Variants in CASC3 observed in about 807,000 individuals in gnomAD.
The protein encoded by CASC3 is protein CASC3.
In CASC3, 30 loss-of-function variants were observed where a neutral mutation model predicts 80.5. The ratio of observed to expected loss-of-function variants is 0.37; its 90% CI spans 0.28 to 0.51. The LOEUF (loss-of-function observed/expected upper bound fraction) is 0.51, where lower values mean the gene tolerates loss of function less well. CASC3 is among the 20% of genes least tolerant of loss of function. The pLI is 0.94. For synonymous variants in CASC3, 312 were observed against 333.6 expected, an observed-to-expected ratio of 0.94 and a Z score of 0.70; for missense variants, 824 against 922.2, an observed-to-expected ratio of 0.89 and a Z score of 1.38.
At chr17:40,146,449 T>TC (rs1988864065) in intron 3 of CASC3, among the ~76,000 whole-genome samples, 1 of 148,534 alleles carries the variant, frequency 6.7e-6, no homozygotes, top group Non-Finnish European at 1.5e-5. Context: ...TTTTTTTTTT[T>TC]CTTTTTTTAA....
At position 40,171,252 on chromosome 17, in the gene CASC3, A is replaced by C; in HGVS notation, c.*847A>C. On this transcript the variant is annotated 3_prime_UTR_variant, in exon 14 of 14. Coordinates refer to ENST00000264645, the MANE Select transcript of CASC3 (RefSeq NM_007359.5). ...CTACTGTGGGGAGAGATGGCACACC[A>C]GATGCTTTTGTGAGAAAGGGATGGT... 2 of 985,972 alleles carry C rather than the reference A, an allele frequency of 2.0e-6. No individual in the cohort carries two copies. The highest frequency in any genetic ancestry group is 1.2e-6 in the Non-Finnish European group (1 of 829,974). The allele number at this position is 985,972 out of a possible 1,614,324, so 61.1% of individuals were successfully genotyped here. A position where few individuals can be genotyped will look rare whatever the true frequency, so the allele number is the denominator to read the frequency against.
chr17:40,141,137 C>G, intron 1 of CASC3, 70 bp from the exon 2 acceptor site: 2 of 1,399,242 alleles, frequency 1.4e-6, no homozygotes, highest in Non-Finnish European at 2.0e-6. Context: ...GCTTTTCACC[C>G]ACATTTCTTT....
In CASC3 at chr17:40,163,484, T is replaced by C. The variant is rs143228292; in HGVS notation, c.789T>C (p.Tyr263=). 1.5e-4 allele frequency: 236 copies of C among 1,609,112 alleles called. No individual in the cohort carries two copies. The Middle Eastern group carries it at 1.6e-3, about 11-fold the overall frequency. ...IKPRRIRKPR[Y]GSPPQRDPNW... is the part of the protein sequence containing the mutation. ...TTCTTCATTCCATTTTTTGTAGATA[T>C]GGGAGTCCTCCACAAAGAGATCCAA... The change falls in exon 7 of 14, where the codon TAT becomes TAC. Residue 263 remains tyrosine, a synonymous_variant. Transcript: ENST00000264645.
At chr17:40,161,099 C>T (rs1384921823) in intron 3 of CASC3, among the ~76,000 whole-genome samples, 1 of 151,962 alleles carries the variant, frequency 6.6e-6, no homozygotes, top group Admixed American at 6.6e-5. Context: ...CCTGCCTCAG[C>T]CTCCCGAGCA....
chr17:40,165,771 T>G lies in CASC3; in HGVS notation c.1472-1026T>G, dbSNP rs370576647. 8.5e-4 allele frequency among the ~76,000 whole-genome samples: 129 copies of G among 150,942 alleles called. 1 individual carries two copies. The East Asian group carries it at 0.023, about 27-fold the overall frequency. On this transcript the variant is annotated intron_variant, in intron 7 of 13. Coordinates refer to ENST00000264645, the MANE Select transcript of CASC3 (RefSeq NM_007359.5). Reference sequence around the variant, plus strand: ...ATATAGTTTTTTTTTTTGTTTTTTTTTTTTTTTAGATGGGTCCCACTTTGT... The same window carrying G: ...ATATAGTTTTTTTTTTTGTTTTTTTGTTTTTTTAGATGGGTCCCACTTTGT...
chr17:40,155,874 C>T (rs143023497), intron 3 of CASC3, among the ~76,000 whole-genome samples: 1 of 152,112 alleles, frequency 6.6e-6, no homozygotes, highest in Non-Finnish European at 1.5e-5. Context: ...TGTGGTAGCA[C>T]CTTGGCTTCA....
intron 3 of CASC3, among the ~76,000 whole-genome samples, chr17:40,155,474 G>A (rs141953895): frequency 6.6e-6 from 1 of 152,276 alleles, no homozygotes; most frequent in African/African-American, 2.4e-5. Flanking sequence ...ATAAAGCATA[G>A]CAGTTCTAGG....
intron 3 of CASC3, 144 bp downstream of exon 3, chr17:40,141,751 A>G (rs1434373648): frequency 3.9e-6 from 3 of 763,684 alleles, no homozygotes; most frequent in African/African-American, 3.5e-5. Context: ...AGTGTTACAG[A>G]AGGTCTTGTT....
At chr17:40,144,345 C>T (rs1988797427) in intron 3 of CASC3, among the ~76,000 whole-genome samples, 1 of 142,762 alleles carries the variant, frequency 7.0e-6, no homozygotes, top group Admixed American at 7.0e-5. Flanking sequence ...CTTTCTTTTT[C>T]TTTTTTTTTT....
rs1296051258 is a variant in CASC3, at chr17:40,143,181, C to T, written c.297+1574C>T. 2.6e-5 allele frequency among the ~76,000 whole-genome samples: 4 copies of T among 152,140 alleles called. No homozygotes were observed. In the South Asian group the frequency reaches 8.3e-4, roughly 31 times the overall value. On this transcript the variant is annotated intron_variant, in intron 3 of 13. Transcript: ENST00000264645. ...AAGATCTAAACCCAGCGCGATGGCTCACACCTGTAATCCCAGCACTGTGGG... is the reference window on the plus strand; with the variant it reads ...AAGATCTAAACCCAGCGCGATGGCTTACACCTGTAATCCCAGCACTGTGGG...
chr17:40,163,067 G>GA (rs1192497993), intron 6 of CASC3, among the ~76,000 whole-genome samples, 166 bp downstream of exon 6: 2 of 146,990 alleles, frequency 1.4e-5, no homozygotes, highest in African/African-American at 2.5e-5. Context: ...AAAAAAAAAA[G>GA]AAAAAAAGGA....
At chr17:40,151,246 C>G (rs1293944832) in intron 3 of CASC3, among the ~76,000 whole-genome samples, 6 of 152,086 alleles carry the variant, frequency 3.9e-5, no homozygotes, top group South Asian at 4.1e-4. Flanking sequence ...GAGTCTTGCT[C>G]TGTCACCCAG....
intron 2 of CASC3, 163 bp downstream of exon 2, chr17:40,141,397 C>A: frequency 7.2e-6 from 6 of 838,944 alleles, no homozygotes; most frequent in Non-Finnish European, 1.2e-5. Context: ...GCAGTATAGT[C>A]TTCAGCAAGT....
At chr17:40,159,711 A>ATTTTTT (rs71152647) in intron 3 of CASC3, among the ~76,000 whole-genome samples, 9 of 93,166 alleles carry the variant, frequency 9.7e-5, no homozygotes, top group East Asian at 5.4e-4. Flanking sequence ...TTCCTGGCGA[A>ATTTTTT]TTTTTTTTTT....
At chr17:40,141,001 G>A in intron 1 of CASC3, 3 of 633,934 alleles carry the variant, frequency 4.7e-6, no homozygotes, top group Non-Finnish European at 8.2e-6. Flanking sequence ...CGCTGGAGAT[G>A]GAAAGCGGAT....
chr17:40,155,382 G>A (rs988233614), intron 3 of CASC3, among the ~76,000 whole-genome samples: 3 of 151,632 alleles, frequency 2.0e-5, no homozygotes, highest in African/African-American at 2.4e-5. Flanking sequence ...TCAGCCTCCC[G>A]GGTGGCTAGG....
rs774912501 is a variant in CASC3, at chr17:40,163,561, G to A, written c.866G>A (p.Gly289Asp). 2.5e-6 allele frequency: 4 copies of A among 1,613,998 alleles called. No individual in the cohort carries two copies. In the African/African-American group the frequency reaches 4.0e-5, roughly 16 times the overall value. The change falls in exon 7 of 14, where the codon GGC becomes GAC. Residue 289 changes from glycine (G) to aspartate (D), a missense_variant. By Grantham distance (94) the Gly-to-Asp change is moderately conservative. Around this residue, in one of 3 missense-constraint regions of CASC3, gnomAD observed 201 missense variants for 294.1 expected, o/e 0.68. Transcript: ENST00000264645. The part of the protein sequence containing the change: ...NKSHRHQGLG[G>D]TLPPRTFINR... ...TCTCATCGCCACCAGGGTCTTGGGGGCACCCTACCACCAAGGACATTTATT... is the reference window on the plus strand; with the variant it reads ...TCTCATCGCCACCAGGGTCTTGGGGACACCCTACCACCAAGGACATTTATT...
chr17:40,170,334 G>A (rs1437140977), intron 13 of CASC3, 113 bp from the exon 14 acceptor site: 13 of 680,982 alleles, frequency 1.9e-5, no homozygotes, highest in Non-Finnish European at 2.4e-5. Flanking sequence ...TTTGTTTAAG[G>A]ACATTACTTA....
intron 3 of CASC3, among the ~76,000 whole-genome samples, chr17:40,154,613 T>C (rs1328032927): frequency 6.6e-6 from 1 of 151,972 alleles, no homozygotes; most frequent in Admixed American, 6.6e-5. Context: ...CAGATATGAT[T>C]TGCAAATATG....
Sources: allele counts gnomAD v4.1 joint callset (sites outside exome capture counted in the v4.1 genomes callset), GRCh38; gene constraint gnomAD v4.1.1; regional missense constraint gnomAD v4.1.1; transcripts MANE v1.5; gene names NCBI Gene and HGNC (gene_info 2026-07-23, HGNC 2026-07-21).